Variants in TOM1L1 observed in about 807,000 individuals in gnomAD.
The protein encoded by TOM1L1 is TOM1-like protein 1.
TOM1L1 carries 64 observed loss-of-function variants against 63.4 expected under a neutral mutation model. The observed-to-expected ratio is 1.01, with a 90% CI of 0.83 to 1.24. The LOEUF (loss-of-function observed/expected upper bound fraction) is 1.24, where lower values mean the gene tolerates loss of function less well. Ranked by LOEUF, TOM1L1 falls within the 50% of genes most tolerant of loss-of-function variation. The pLI is 0.00. For synonymous variants in TOM1L1, 166 were observed against 194.4 expected, an observed-to-expected ratio of 0.85 and a Z score of 1.22; for missense variants, 536 against 567.0, an observed-to-expected ratio of 0.95 and a Z score of 0.55.
chr17:54,909,799 C>T (rs540898436), intron 3 of TOM1L1, among the ~76,000 whole-genome samples: 23 of 152,314 alleles, frequency 1.5e-4, no homozygotes, highest in African/African-American at 5.1e-4. Flanking sequence ...TTCAATCCCA[C>T]CTCAGATTAT....
intron 14 of TOM1L1, chr17:54,952,305 G>C (rs1440464367): frequency 6.6e-6 from 1 of 152,090 alleles, no homozygotes; most frequent in Non-Finnish European, 1.5e-5. Flanking sequence ...TGTAATCCCA[G>C]CACTTTGCGA....
chr17:54,919,181 C>A lies in TOM1L1; in HGVS notation c.720+3319C>A, dbSNP rs186580988. On this transcript the variant is annotated intron_variant, in intron 7 of 15. Coordinates refer to ENST00000575882, the MANE Select transcript of TOM1L1 (RefSeq NM_005486.3). ...TTAAATAGATTTCAAAGGTAGTAGTCCACAATGGCGGCTTTTCCAGATATA... is the reference window on the plus strand; with the variant it reads ...TTAAATAGATTTCAAAGGTAGTAGTACACAATGGCGGCTTTTCCAGATATA... Among the ~76,000 whole-genome samples the A allele has an allele frequency of 7.8e-4, 118 of 152,196 alleles. 1 individual carries two copies. The highest frequency in any genetic ancestry group is 3.4e-3 in the Middle Eastern group (1 of 294).
chr17:54,913,906 T>C (rs1039663754), intron 5 of TOM1L1, 33 bp downstream of exon 5: 45 of 1,582,356 alleles, frequency 2.8e-5, no homozygotes, highest in Non-Finnish European at 3.9e-5. Flanking sequence ...ATGGAGACTA[T>C]AGTAGTGTAT....
rs895688455 is a variant in TOM1L1 at position 54,926,540 on chromosome 17, G to T, written c.721-3533G>T. ...TAGTATTTAGAATAAAGGGAGCTCA[G>T]ATTTTGAAATGACAACTACAGAAAG... On this transcript the variant is annotated intron_variant, in intron 7 of 15. Transcript: ENST00000575882. 1.4e-4 allele frequency among the ~76,000 whole-genome samples: 21 copies of T among 151,758 alleles called. 1 individual carries two copies. The highest frequency in any genetic ancestry group is 1.4e-3 in the East Asian group (7 of 5,174).
chr17:54,942,146 G>C (rs1335781731), intron 11 of TOM1L1: 1 of 151,988 alleles, frequency 6.6e-6, no homozygotes, highest in Non-Finnish European at 1.5e-5. Flanking sequence ...ACCCAGACTG[G>C]AGTGCCGTAG....
chr17:54,957,472 C>A (rs1223366815), intron 14 of TOM1L1: 1 of 152,054 alleles, frequency 6.6e-6, no homozygotes, highest in Non-Finnish European at 1.5e-5. Flanking sequence ...TGATTATATT[C>A]AAATTAGGAG....
chr17:54,953,081 C>CAA (rs1202101500), intron 14 of TOM1L1: 1 of 152,222 alleles, frequency 6.6e-6, no homozygotes, highest in Admixed American at 6.6e-5. Flanking sequence ...CAGTGTTGAT[C>CAA]AAAAACTCAG....
intron 3 of TOM1L1, among the ~76,000 whole-genome samples, chr17:54,909,282 A>G (rs931615738): frequency 6.6e-6 from 1 of 151,988 alleles, no homozygotes; most frequent in Non-Finnish European, 1.5e-5. Flanking sequence ...GCAAAACAAA[A>G]CCATGTGGTT....
chr17:54,913,685 A>AT, intron 4 of TOM1L1, 63 bp from the exon 5 acceptor site: 8 of 1,393,434 alleles, frequency 5.7e-6, no homozygotes, highest in Non-Finnish European at 6.7e-6. Context: ...AAAAAAAAAA[A>AT]GAATTGTGTT....
At chr17:54,957,650 T>C (rs2076978604) in intron 14 of TOM1L1, 1 of 152,190 alleles carries the variant, frequency 6.6e-6, no homozygotes, top group Non-Finnish European at 1.5e-5. Flanking sequence ...GGGACTTCCC[T>C]CCAAGGAAAA....
chr17:54,954,760 T>C (rs906732135), intron 14 of TOM1L1: 3 of 152,226 alleles, frequency 2.0e-5, no homozygotes, highest in Admixed American at 6.5e-5. Context: ...GAATTGGCAA[T>C]ATAGTTCCCT....
At chr17:54,922,280 G>A (rs930134147) in intron 7 of TOM1L1, among the ~76,000 whole-genome samples, 1 of 151,794 alleles carries the variant, frequency 6.6e-6, no homozygotes, top group Non-Finnish European at 1.5e-5. Context: ...GCAACAGAGC[G>A]AGGCTGTCTC....
chr17:54,915,621 TAA>T (rs1372788822), intron 6 of TOM1L1, 123 bp from the exon 7 acceptor site: 6 of 543,228 alleles, frequency 1.1e-5, no homozygotes, highest in African/African-American at 2.0e-5. Flanking sequence ...AAATTAAATT[TAA>T]GTTTGAAAAT....
intron 14 of TOM1L1, among the ~76,000 whole-genome samples, chr17:54,959,999 A>G (rs922907283): frequency 3.3e-5 from 5 of 152,114 alleles, no homozygotes; most frequent in African/African-American, 1.2e-4. Flanking sequence ...TTTGAGTCAT[A>G]TTTCTCATTT....
intron 7 of TOM1L1, among the ~76,000 whole-genome samples, chr17:54,924,437 G>T (rs779343580): frequency 2.6e-5 from 4 of 151,928 alleles, no homozygotes; most frequent in Non-Finnish European, 4.4e-5. Flanking sequence ...CCGCCACCAT[G>T]CCCAGCTATT....
chr17:54,941,897 G>A (rs1225584008), intron 11 of TOM1L1, among the ~76,000 whole-genome samples: 2 of 152,148 alleles, frequency 1.3e-5, no homozygotes, highest in East Asian at 1.9e-4. Flanking sequence ...ATTCGAGGGC[G>A]TATACCTGGT....
chr17:54,933,870 A>G (rs747548469), intron 8 of TOM1L1, among the ~76,000 whole-genome samples: 1 of 152,174 alleles, frequency 6.6e-6, no homozygotes, highest in Non-Finnish European at 1.5e-5. Flanking sequence ...ACATCAATCA[A>G]TATGTGTAAG....
At chr17:54,913,578 A>C (rs938134694) in intron 4 of TOM1L1, among the ~76,000 whole-genome samples, 170 bp from the exon 5 acceptor site, 5 of 151,466 alleles carry the variant, frequency 3.3e-5, no homozygotes, top group African/African-American at 4.9e-5. Context: ...AGGCAGGAGA[A>C]TCGCTTGAAC....
chr17:54,948,089 T>A (rs1315332967), intron 12 of TOM1L1, among the ~76,000 whole-genome samples: 1 of 151,892 alleles, frequency 6.6e-6, no homozygotes, highest in Non-Finnish European at 1.5e-5. Context: ...CTTTTACTTT[T>A]GCCTTTTACT....
Sources: allele counts gnomAD v4.1 joint callset (sites outside exome capture counted in the v4.1 genomes callset), GRCh38; gene constraint gnomAD v4.1.1; transcripts MANE v1.5; gene names NCBI Gene and HGNC (gene_info 2026-07-23, HGNC 2026-07-21).